The following ESCO2 variants were observed in gnomAD, a reference collection of about 807,000 sequenced individuals.
ESCO2 encodes the protein establishment of sister chromatid cohesion N-acetyltransferase 2.
Under a neutral mutation model 61.7 loss-of-function variants are expected in ESCO2, and 51 were observed. The ratio of observed to expected loss-of-function variants is 0.83; its 90% CI spans 0.66 to 1.04. The LOEUF is 1.04. ESCO2 is among the 50% of genes least tolerant of loss of function. The pLI is 0.00. For synonymous variants in ESCO2, 230 were observed against 238.2 expected, an observed-to-expected ratio of 0.97 and a Z score of 0.32; for missense variants, 692 against 686.2, an observed-to-expected ratio of 1.01 and a Z score of -0.09.
chr8:27,804,325 G>A lies in ESCO2; in HGVS notation c.*887G>A. 1.0e-6 allele frequency: 1 copy of A among 985,350 alleles called. No individual in the cohort carries two copies. The highest frequency in any genetic ancestry group is 1.2e-6 in the Non-Finnish European group (1 of 829,912). The allele number at this position is 985,350 out of a possible 1,614,324, so 61.0% of individuals were successfully genotyped here. A position where few individuals can be genotyped will look rare whatever the true frequency, so the allele number is the denominator to read the frequency against. On this transcript the variant is annotated 3_prime_UTR_variant, in exon 11 of 11. Coordinates refer to ENST00000305188, the MANE Select transcript of ESCO2 (RefSeq NM_001017420.3). ...AGTACTACTTTGGGAACCTGTTACT[G>A]ACAATTGATGTCATTAACAAAATGC...
intron 2 of ESCO2, 97 bp downstream of exon 2, chr8:27,775,664 C>A (rs1394148137): frequency 9.0e-7 from 1 of 1,113,356 alleles, no homozygotes; most frequent in Non-Finnish European, 1.4e-6. Context: ...CTTCCACTAG[C>A]CTACTCCTTG....
chr8:27,816,765 C>G (rs28447465), downstream of ESCO2, among the ~76,000 whole-genome samples: 23,873 of 151,802 alleles, frequency 0.16, 2,377 homozygotes, highest in East Asian at 0.37. Context: ...AACTTTTCTT[C>G]ATATATGTAA....
chr8:27,819,463 C>T, the ESCO2 span, among the ~76,000 whole-genome samples: 3 of 151,814 alleles, frequency 2.0e-5, no homozygotes, highest in Non-Finnish European at 2.9e-5. Context: ...TCTTTTTAGC[C>T]AAAAATTATT....
At chr8:27,802,603 G>T (rs1805455995) in intron 10 of ESCO2, among the ~76,000 whole-genome samples, 2 of 13,342 alleles carry the variant, frequency 1.5e-4, no homozygotes, top group Admixed American at 1.7e-3. Flanking sequence ...GTGAGACTCT[G>T]TCTCAAAAAA....
In ESCO2 at chr8:27,803,465, C is replaced by T. The variant is rs978558472; in HGVS notation, c.*27C>T. The T allele has an allele frequency of 1.1e-5, 18 of 1,610,412 alleles. No homozygotes were observed. Among genetic ancestry groups the T allele is most frequent in the Non-Finnish European group, 1.4e-5 (17 of 1,177,316 alleles). Reference sequence around the variant, plus strand: ...GCTGATTTCAGTTATAAAGGAGTTACTATCTGGATAAGTTCAAAGAGCTCC... The same window carrying T: ...GCTGATTTCAGTTATAAAGGAGTTATTATCTGGATAAGTTCAAAGAGCTCC... On this transcript the variant is annotated 3_prime_UTR_variant, in exon 11 of 11. Coordinates refer to ENST00000305188, the MANE Select transcript of ESCO2 (RefSeq NM_001017420.3).
chr8:27,803,677 T>G lies in ESCO2; in HGVS notation c.*239T>G. 1 of 1,304,978 alleles carries G rather than the reference T, an allele frequency of 7.7e-7. No homozygotes were observed. The highest frequency in any genetic ancestry group is 9.7e-7 in the Non-Finnish European group (1 of 1,028,802). 80.8% of individuals were successfully genotyped at this position (1,304,978 alleles called of 1,614,324 possible). On this transcript the variant is annotated 3_prime_UTR_variant, in exon 11 of 11. Coordinates refer to ENST00000305188, the MANE Select transcript of ESCO2 (RefSeq NM_001017420.3). ...AAAAATCTTTGGGTGATTCCCTGATTAGCACTCTGAATGTTTAATTATGAA... is the reference window on the plus strand; with the variant it reads ...AAAAATCTTTGGGTGATTCCCTGATGAGCACTCTGAATGTTTAATTATGAA...
chr8:27,803,395 A>G lies in ESCO2; in HGVS notation c.1763A>G (p.Tyr588Cys), dbSNP rs1158734390. ...GATGGCAAGTTATTTGCAACCAAGT[A>G]CTGCAACACCCCTAATTTCCTCGTA... ...TPDGKLFATK[Y>C]CNTPNFLVYN... Residue 588 changes from tyrosine to cysteine, a missense_variant, in exon 11 of 11, where the codon TAC becomes TGC. Tyr to Cys is a radical substitution (Grantham distance 194). Transcript: ENST00000305188. 1 of 1,613,808 alleles carries G rather than the reference A, an allele frequency of 6.2e-7. No homozygotes were observed. Among genetic ancestry groups the G allele is most frequent in the Non-Finnish European group, 8.5e-7 (1 of 1,179,716 alleles).
intron 3 of ESCO2, chr8:27,777,866 T>G (rs1804833830): frequency 6.6e-6 from 1 of 152,228 alleles, no homozygotes; most frequent in Non-Finnish European, 1.5e-5. Context: ...TGATACCCAG[T>G]ACACTCAGGC....
downstream of ESCO2, among the ~76,000 whole-genome samples, chr8:27,816,845 G>A (rs929968774): frequency 3.3e-5 from 5 of 151,664 alleles, no homozygotes; most frequent in East Asian, 1.9e-4. Context: ...ATATAAACCC[G>A]TATAATTTAT....
chr8:27,793,644 G>A (rs2128956256), intron 9 of ESCO2, among the ~76,000 whole-genome samples: 1 of 151,870 alleles, frequency 6.6e-6, no homozygotes, highest in South Asian at 2.1e-4. Context: ...GTGCCACCAT[G>A]CCTGGCTAAT....
chr8:27,783,484 AT>A (rs969310011), intron 4 of ESCO2, among the ~76,000 whole-genome samples: 27 of 152,246 alleles, frequency 1.8e-4, no homozygotes, highest in African/African-American at 6.0e-4. Flanking sequence ...GTCCAAATTA[AT>A]TTTTTATAAA....
At chr8:27,798,000 G>A (rs1048204509) in intron 9 of ESCO2, among the ~76,000 whole-genome samples, 1 of 152,078 alleles carries the variant, frequency 6.6e-6, no homozygotes, top group Non-Finnish European at 1.5e-5. Context: ...TGTGTTGTTC[G>A]TAATTAAAAA....
intron 9 of ESCO2, among the ~76,000 whole-genome samples, chr8:27,798,181 C>G (rs1485956640): frequency 1.3e-5 from 2 of 152,124 alleles, no homozygotes; most frequent in African/African-American, 4.8e-5. Flanking sequence ...AAACATAGGC[C>G]AGGCGCAGTG....
intron 4 of ESCO2, among the ~76,000 whole-genome samples, chr8:27,780,885 G>A (rs999931360): frequency 6.6e-6 from 1 of 152,028 alleles, no homozygotes; most frequent in Non-Finnish European, 1.5e-5. Flanking sequence ...GAGATATGAT[G>A]TTAATAACTA....
downstream of ESCO2, among the ~76,000 whole-genome samples, chr8:27,816,722 A>C (rs1805822520): frequency 6.6e-6 from 1 of 152,034 alleles, no homozygotes; most frequent in Non-Finnish European, 1.5e-5. Flanking sequence ...TACCTGTTTA[A>C]AAAAAATTTT....
At chr8:27,813,281 A>G (rs184648105), downstream of ESCO2, among the ~76,000 whole-genome samples, 19 of 152,098 alleles carry the variant, frequency 1.2e-4, no homozygotes, top group African/African-American at 4.3e-4. Flanking sequence ...GAACACTTGG[A>G]CACAGGGTGG....
chr8:27,794,417 T>C (rs1457434880), intron 9 of ESCO2, among the ~76,000 whole-genome samples: 1 of 152,244 alleles, frequency 6.6e-6, no homozygotes, highest in Non-Finnish European at 1.5e-5. Context: ...TTGAAAAATA[T>C]CTATTCTGGT....
At chr8:27,807,661 T>C (rs1278157387), downstream of ESCO2, among the ~76,000 whole-genome samples, 1 of 152,238 alleles carries the variant, frequency 6.6e-6, no homozygotes, top group Admixed American at 6.5e-5. Flanking sequence ...TTTTGAAGAT[T>C]GGCATTGTTA....
intron 9 of ESCO2, among the ~76,000 whole-genome samples, chr8:27,793,568 C>A (rs1805228580): frequency 6.6e-6 from 1 of 151,440 alleles, no homozygotes; most frequent in Non-Finnish European, 1.5e-5. Context: ...CTCACCACAA[C>A]CTCCACCTCC....
Sources: allele counts gnomAD v4.1 joint callset (sites outside exome capture counted in the v4.1 genomes callset), GRCh38; gene constraint gnomAD v4.1.1; transcripts MANE v1.5; gene names NCBI Gene and HGNC (gene_info 2026-07-23, HGNC 2026-07-21).